SPTY2D1: variants seen among roughly 807,000 people sequenced by gnomAD.
SPTY2D1 encodes SPT2 chromatin protein domain containing 1, also known as protein SPT2 homolog.
In SPTY2D1, 21 loss-of-function variants were observed where a neutral mutation model predicts 64.0. The observed-to-expected ratio is 0.33, with a 90% CI of 0.23 to 0.47. SPTY2D1 has a LOEUF of 0.47. SPTY2D1 is among the 20% of genes least tolerant of loss of function. SPTY2D1 has a pLI of 1.00. For missense variants in SPTY2D1, 724 were observed against 837.2 expected (o/e 0.86, Z 1.67); for synonymous variants, 287 against 286.8 (o/e 1.00, Z -0.01).
rs1028393342 is a variant in SPTY2D1 at position 18,609,712 on chromosome 11, C to G, written c.*149G>C. The G allele has an allele frequency of 1.1e-5, 7 of 662,226 alleles. No individual in the cohort carries two copies. In the African/African-American group the frequency reaches 1.1e-4, roughly 10 times the overall value. The allele number at this position is 662,226 out of a possible 1,614,324, so 41.0% of individuals were successfully genotyped here. ...AAAATATCTGAAAATATTTTATGCT[C>G]AAATGACAGCCTGCAAATGACAGTA... On this transcript the variant is annotated 3_prime_UTR_variant, in exon 6 of 6. Coordinates refer to ENST00000336349, the MANE Select transcript of SPTY2D1 (RefSeq NM_194285.3).
chr11:18,630,130 CTGCACTT>C, intron 1 of SPTY2D1, among the ~76,000 whole-genome samples: 1 of 151,598 alleles, frequency 6.6e-6, no homozygotes, highest in South Asian at 2.1e-4. Flanking sequence ...GACCATGCCA[CTGCACTT>C]CAGCCTGGTG....
At position 18,615,911 on chromosome 11, in the gene SPTY2D1, T is replaced by G; in HGVS notation, c.363A>C (p.Arg121=). The stretch of plus-strand genomic sequence containing the variant: ...CATTCTCTTCTTCCATTTCATACTC[T>G]CGGTCGGTTCCTTGGCTGGTATGGC... ...TESHTSQGTD[R]EYEMEEENEF... Residue 121 remains arginine, a synonymous_variant, in exon 3 of 6, where the codon CGA becomes CGC. Coordinates refer to ENST00000336349, the MANE Select transcript of SPTY2D1 (RefSeq NM_194285.3). The G allele has an allele frequency of 6.2e-7, 1 of 1,614,206 alleles. No homozygotes were observed. The highest frequency in any genetic ancestry group is 1.3e-5 in the African/African-American group (1 of 75,040).
At chr11:18,618,126 A>T (rs534300807) in intron 1 of SPTY2D1, among the ~76,000 whole-genome samples, 11 of 152,314 alleles carry the variant, frequency 7.2e-5, no homozygotes, top group Non-Finnish European at 1.5e-4. Context: ...ACTCATAGCT[A>T]CATGTTTTAT....
Position 18,607,672 on chromosome 11 carries a change from G to C in SPTY2D1, c.*2189C>G, listed in dbSNP as rs1172562961. The C allele has an allele frequency of 6.6e-6, 1 of 152,390 alleles. No individual in the cohort carries two copies. The highest frequency in any genetic ancestry group is 1.5e-5 in the Non-Finnish European group (1 of 68,036). The allele number at this position is 152,390 out of a possible 1,614,324, so 9.4% of individuals were successfully genotyped here. ...TGCAGAAAAACAACATGGAAGACAGGATTTGGAAACAAGGCCAAAATTTAA... is the reference window on the plus strand; with the variant it reads ...TGCAGAAAAACAACATGGAAGACAGCATTTGGAAACAAGGCCAAAATTTAA... On this transcript the variant is annotated 3_prime_UTR_variant, in exon 6 of 6. Coordinates refer to ENST00000336349, the MANE Select transcript of SPTY2D1 (RefSeq NM_194285.3).
chr11:18,618,204 C>CA (rs1854332214), intron 1 of SPTY2D1, among the ~76,000 whole-genome samples: 1 of 152,048 alleles, frequency 6.6e-6, no homozygotes, highest in South Asian at 2.1e-4. Context: ...CAAACCACAG[C>CA]AAAAAAGCAT....
At chr11:18,613,347 G>T (rs1854237371) in intron 3 of SPTY2D1, among the ~76,000 whole-genome samples, 2 of 152,184 alleles carry the variant, frequency 1.3e-5, no homozygotes, top group African/African-American at 4.8e-5. Flanking sequence ...CCCAGGATCT[G>T]GGAACAACTA....
In SPTY2D1 at chr11:18,612,415, A is replaced by T. The variant is rs779820357; in HGVS notation, c.1785T>A (p.Asp595Glu). ...AATCTTCCATTTCAGAGTCGTATTC[A>T]TCATCATCGTCATCTTCCTCTTCAT... ...REYEEEDDDD[D>E]EYDSEMEDFI... The change falls in exon 4 of 6, where the codon GAT (aspartate) becomes GAA (glutamate). Residue 595 changes from aspartate to glutamate, a missense_variant. By Grantham distance (45) the Asp-to-Glu change is conservative (BLOSUM62 2). Coordinates refer to ENST00000336349, the MANE Select transcript of SPTY2D1 (RefSeq NM_194285.3). This position sits in a 1 kb window ranked among gnomAD's most constrained non-coding sequence, Gnocchi z 4.6. The T allele has an allele frequency of 6.2e-7, 1 of 1,610,932 alleles. No individual in the cohort carries two copies.
In SPTY2D1 at chr11:18,615,362, G is replaced by A. The variant is rs768169452; in HGVS notation, c.912C>T (p.His304=). ...NSSQPSLREG[H]DKPVFNGAGK... ...CAGCTCCATTAAAAACAGGTTTGTC[G>A]TGGCCCTCACGAAGTGAGGGTTGGG... Residue 304 remains histidine (H), a synonymous_variant, in exon 3 of 6, where the codon CAC becomes CAT. Transcript: ENST00000336349. The A allele has an allele frequency of 3.0e-5, 48 of 1,614,070 alleles. No homozygotes were observed. Among genetic ancestry groups the A allele is most frequent in the Admixed American group, 2.0e-4 (12 of 60,018 alleles).
rs1227698798 is a variant in SPTY2D1, at chr11:18,625,817, C to T, written c.60+8381G>A. On this transcript the variant is annotated intron_variant, in intron 1 of 5. Transcript: ENST00000336349. ...ACTTCTAATTTAACTCCAACACTTT[C>T]TTTTTTTTTTTTTTTTGAGATGGAG... Among the ~76,000 whole-genome samples the T allele has an allele frequency of 1.9e-3, 227 of 118,904 alleles. 2 individuals are homozygous for T. Among genetic ancestry groups the T allele is most frequent in the African/African-American group, 8.7e-3 (204 of 23,434 alleles). 78.0% of individuals were successfully genotyped at this position (118,904 alleles called of 152,430 possible).
intron 5 of SPTY2D1, 77 bp downstream of exon 5, chr11:18,611,400 A>G: frequency 7.5e-7 from 1 of 1,339,014 alleles, no homozygotes; most frequent in Non-Finnish European, 1.1e-6. Context: ...CCCAGTTCCC[A>G]ATGGTGCAAT....
intron 1 of SPTY2D1, among the ~76,000 whole-genome samples, chr11:18,623,040 A>G (rs531591728): frequency 5.9e-5 from 9 of 152,298 alleles, no homozygotes; most frequent in South Asian, 2.1e-4. Flanking sequence ...CTAACAACTC[A>G]AAGTTGACCA....
In SPTY2D1 at chr11:18,612,485, G is replaced by T. The variant is rs760027002; in HGVS notation, c.1715C>A (p.Pro572His). Residue 572 changes from proline (P) to histidine (H), a missense_variant, in exon 4 of 6, where the codon CCT becomes CAT. Pro to His is a moderately conservative substitution (Grantham distance 77). Transcript: ENST00000336349. This position sits in a 1 kb window ranked among gnomAD's most constrained non-coding sequence, Gnocchi z 4.6. ...PLSGYRAAQGPQRLPFPTGYK... is the reference protein window; with the variant it reads ...PLSGYRAAQGHQRLPFPTGYK... Reference sequence around the variant, plus strand: ...ACCAGTAGGGAAGGGAAGCCTTTGAGGACCTAAGAAACCATTATTTATAAG... The same window carrying T: ...ACCAGTAGGGAAGGGAAGCCTTTGATGACCTAAGAAACCATTATTTATAAG... 1 of 1,590,148 alleles carries T rather than the reference G, an allele frequency of 6.3e-7. No individual in the cohort carries two copies. Among genetic ancestry groups the T allele is most frequent in the Non-Finnish European group, 8.5e-7 (1 of 1,171,446 alleles).
chr11:18,610,206 G>A (rs1854177950), intron 5 of SPTY2D1: 12 of 376,658 alleles, frequency 3.2e-5, no homozygotes. Flanking sequence ...TAAAATATAG[G>A]TTTATCTCAA....
rs1854258123 is a variant in SPTY2D1 at position 18,614,590 on chromosome 11, G to A, written c.1684C>T (p.Pro562Ser). 1.9e-6 allele frequency: 3 copies of A among 1,611,952 alleles called. No individual in the cohort carries two copies. Among genetic ancestry groups the A allele is most frequent in the Non-Finnish European group, 2.5e-6 (3 of 1,178,276 alleles). The change falls in exon 3 of 6, where the codon CCC becomes TCC. Residue 562 changes from proline (P) to serine (S), a missense_variant. By Grantham distance (74) the Pro-to-Ser change is moderately conservative. Around this residue, in one of 3 missense-constraint regions of SPTY2D1, gnomAD observed 119 missense variants for 172.9 expected, o/e 0.69. Coordinates refer to ENST00000336349, the MANE Select transcript of SPTY2D1 (RefSeq NM_194285.3). ...TGGGCAGCTCTGTAGCCAGATAGGGGAGGCTTCATTCCATTCATCTGTCCA... is the reference window on the plus strand; with the variant it reads ...TGGGCAGCTCTGTAGCCAGATAGGGAAGGCTTCATTCCATTCATCTGTCCA... ...SNGQMNGMKP[P>S]LSGYRAAQGP... is the part of the protein sequence containing the mutation.
chr11:18,613,639 A>G (rs983706553), intron 3 of SPTY2D1, among the ~76,000 whole-genome samples: 18 of 152,188 alleles, frequency 1.2e-4, no homozygotes, highest in African/African-American at 4.3e-4. Context: ...GTCTAGTTGA[A>G]CTAGGAAATT....
In SPTY2D1 at chr11:18,611,558, A is replaced by G; in HGVS notation, c.1887-4T>C. 6.2e-7 allele frequency: 1 copy of G among 1,610,904 alleles called. No homozygotes were observed. Among genetic ancestry groups the G allele is most frequent in the Non-Finnish European group, 8.5e-7 (1 of 1,178,422 alleles). On this transcript the variant is annotated splice_polypyrimidine_tract_variant and splice_region_variant and intron_variant, in intron 4 of 5. Coordinates refer to ENST00000336349, the MANE Select transcript of SPTY2D1 (RefSeq NM_194285.3). ...ATAATCACTTTCATCTTTGTATCTG[A>G]TAAAAGGAAATCAAAATGATAAAAA...
intron 5 of SPTY2D1, chr11:18,610,396 TC>T (rs1225018833): frequency 2.5e-5 from 4 of 157,886 alleles, no homozygotes; most frequent in African/African-American, 9.6e-5. Flanking sequence ...GCACAGTGGC[TC>T]ACACCTGTAA....
intron 1 of SPTY2D1, among the ~76,000 whole-genome samples, chr11:18,631,417 C>T (rs1010382444): frequency 2.0e-5 from 3 of 151,830 alleles, no homozygotes; most frequent in Non-Finnish European, 4.4e-5. Flanking sequence ...ATTAACTGGG[C>T]GTGGTGGTGC....
chr11:18,625,597 A>G (rs980814012), intron 1 of SPTY2D1, among the ~76,000 whole-genome samples: 6 of 151,044 alleles, frequency 4.0e-5, no homozygotes, highest in Non-Finnish European at 8.8e-5. Flanking sequence ...TTGATTTGTC[A>G]CCCAGGCGGC....
Sources: allele counts gnomAD v4.1 joint callset (sites outside exome capture counted in the v4.1 genomes callset), GRCh38; gene constraint gnomAD v4.1.1; regional missense constraint gnomAD v4.1.1; non-coding constraint Gnocchi (gnomAD v3.1); transcripts MANE v1.5; gene names NCBI Gene and HGNC (gene_info 2026-07-23, HGNC 2026-07-21).